SLAMF9: variants seen among roughly 807,000 people sequenced by gnomAD.
SLAMF9 encodes the protein CD2 family member 10.
SLAMF9 carries 25 observed loss-of-function variants against 30.4 expected under a neutral mutation model. The ratio of observed to expected loss-of-function variants is 0.82; its 90% confidence interval spans 0.60 to 1.15. The LOEUF is 1.15. SLAMF9 is among the 50% of genes most tolerant of loss of function. The pLI, the probability that SLAMF9 is intolerant of heterozygous loss-of-function variation, is 0.00. For synonymous variants in SLAMF9, 129 were observed against 127.2 expected (o/e 1.01, Z -0.09); for missense variants, 344 against 346.1 (o/e 0.99, Z 0.05).
At chr1:159,973,224 CT>C in the SLAMF9 span, 1 of 1,219,586 alleles carries the variant, frequency 8.2e-7, no homozygotes, top group South Asian at 1.2e-5. Flanking sequence ...GGTAACCAGG[CT>C]TCCCTCTTAG....
chr1:159,958,126 G>C (rs1269201089), upstream of SLAMF9, among the ~76,000 whole-genome samples: 3 of 152,224 alleles, frequency 2.0e-5, no homozygotes, highest in Non-Finnish European at 4.4e-5. Context: ...CTGGTGCCAG[G>C]ACTCTTGCTG....
chr1:159,963,610 A>G, the SLAMF9 span, among the ~76,000 whole-genome samples: 1 of 152,066 alleles, frequency 6.6e-6, no homozygotes, highest in African/African-American at 2.4e-5. Flanking sequence ...CCTTTCCTCA[A>G]CTTACCTCTT....
In SLAMF9 at chr1:159,952,529, G is replaced by A; in HGVS notation, c.397C>T (p.Leu133=). The A allele has an allele frequency of 3.1e-6, 5 of 1,613,468 alleles. No individual in the cohort carries two copies. Among genetic ancestry groups the A allele is most frequent in the Non-Finnish European group, 2.5e-6 (3 of 1,179,732 alleles). ...TTCACAGTGATCTGGGGCTCTGACA[G>A]CCATCCTGGATGAAGGGGAAACACA... ...QQYNICVYRW[L]SEPQITVNFE... is the part of the protein sequence containing the mutation. Residue 133 remains leucine (L), a synonymous_variant, in exon 3 of 4, where the codon CTG becomes TTG. Coordinates refer to ENST00000368093, the MANE Select transcript of SLAMF9 (RefSeq NM_033438.4).
chr1:159,953,565 T>C lies in SLAMF9; in HGVS notation c.135A>G (p.Pro45=). ...QESISLPLEI[P]PDEEVENIIW... ...TGATGTTCTCAACCTCTTCATCTGG[T>C]GGTATTTCCAGGGGGAGGCTGATGG... Residue 45 remains proline (P), a synonymous_variant, in exon 2 of 4, where the codon CCA becomes CCG. Transcript: ENST00000368093. 1 of 1,614,156 alleles carries C rather than the reference T, an allele frequency of 6.2e-7. No homozygotes were observed. The highest frequency in any genetic ancestry group is 8.5e-7 in the Non-Finnish European group (1 of 1,179,998).
chr1:159,953,536 C>T lies in SLAMF9; in HGVS notation c.164G>A (p.Trp55Ter). 6.2e-7 allele frequency: 1 copy of T among 1,614,178 alleles called. No individual in the cohort carries two copies. Among genetic ancestry groups the T allele is most frequent in the Non-Finnish European group, 8.5e-7 (1 of 1,180,032 alleles). ...AGTGGCAAGACTTTTGTGAGAGGAC[C>T]AGATGATGTTCTCAACCTCTTCATC... is the stretch of plus-strand genomic sequence containing the variant. ...PPDEEVENII[W>*]SSHKSLATVV... Residue 55 changes from tryptophan to a stop codon, truncating the protein, a stop_gained, in exon 2 of 4, where the codon TGG (tryptophan) becomes TAG (stop). Transcript: ENST00000368093. LOFTEE classifies it high-confidence loss of function.
the SLAMF9 span, chr1:159,983,315 T>G: frequency 6.6e-6 from 1 of 152,302 alleles, no homozygotes; most frequent in South Asian, 2.1e-4. Flanking sequence ...TTGGTTGTAA[T>G]GCAGCACATA....
At chr1:159,955,544 G>T (rs531383074), upstream of SLAMF9, among the ~76,000 whole-genome samples, 7 of 152,200 alleles carry the variant, frequency 4.6e-5, no homozygotes, top group Non-Finnish European at 8.8e-5. Flanking sequence ...TCAGAAATCT[G>T]TTAAATGTTT....
chr1:159,972,828 T>C, the SLAMF9 span: 14,562 of 914,778 alleles, frequency 0.016, 238 homozygotes, highest in South Asian at 0.04. Context: ...GAGCACAGGA[T>C]GGGACACAGG....
At chr1:159,970,106 C>T in the SLAMF9 span, among the ~76,000 whole-genome samples, 8 of 152,180 alleles carry the variant, frequency 5.3e-5, no homozygotes, top group Non-Finnish European at 1.0e-4. Context: ...GTATTTATCA[C>T]CTTTGGTATA....
chr1:159,951,871 G>A lies in SLAMF9; in HGVS notation c.665-5C>T. 3 of 1,613,810 alleles carry A rather than the reference G, an allele frequency of 1.9e-6. No individual in the cohort carries two copies. Among genetic ancestry groups the A allele is most frequent in the Non-Finnish European group, 8.5e-7 (1 of 1,179,832 alleles). ...TCTCAGAAGCATAGTTAGGATCTGGGGTGGAAGAAAGGAGGAAAGGGCCCA... is the reference window on the plus strand; with the variant it reads ...TCTCAGAAGCATAGTTAGGATCTGGAGTGGAAGAAAGGAGGAAAGGGCCCA... On this transcript the variant is annotated splice_region_variant and splice_polypyrimidine_tract_variant and intron_variant, in intron 3 of 3. Transcript: ENST00000368093.
At chr1:159,960,391 A>C in the SLAMF9 span, among the ~76,000 whole-genome samples, 2 of 150,744 alleles carry the variant, frequency 1.3e-5, no homozygotes, top group South Asian at 4.2e-4. Context: ...GGGCAGTTTC[A>C]TGATGGAGTG....
chr1:159,956,019 T>G (rs1651915025), upstream of SLAMF9, among the ~76,000 whole-genome samples: 1 of 152,176 alleles, frequency 6.6e-6, no homozygotes, highest in Non-Finnish European at 1.5e-5. Flanking sequence ...CCAAAGGAAA[T>G]GAAATCAGTA....
the SLAMF9 span, among the ~76,000 whole-genome samples, chr1:159,971,193 A>C: frequency 6.6e-6 from 1 of 152,276 alleles, no homozygotes; most frequent in Non-Finnish European, 1.5e-5. Flanking sequence ...ATCATAAATC[A>C]CACTGTTGAA....
chr1:159,982,516 ACCC>A, the SLAMF9 span, among the ~76,000 whole-genome samples: 9 of 152,134 alleles, frequency 5.9e-5, no homozygotes, highest in African/African-American at 2.2e-4. Context: ...TCCTGGACAC[ACCC>A]AAGCAGAGGA....
chr1:159,969,702 A>G, the SLAMF9 span, among the ~76,000 whole-genome samples: 1 of 152,166 alleles, frequency 6.6e-6, no homozygotes, highest in Non-Finnish European at 1.5e-5. Flanking sequence ...GGAGAGGAAT[A>G]TTTTCCTTAA....
At chr1:159,980,928 T>G in the SLAMF9 span, among the ~76,000 whole-genome samples, 1 of 152,234 alleles carries the variant, frequency 6.6e-6, no homozygotes, top group Non-Finnish European at 1.5e-5. Flanking sequence ...TGACTTTCTT[T>G]GCGTCACACG....
chr1:159,979,606 T>A, the SLAMF9 span, among the ~76,000 whole-genome samples: 1 of 151,782 alleles, frequency 6.6e-6, no homozygotes, highest in African/African-American at 2.4e-5. Flanking sequence ...CTGGAAGAGA[T>A]CTTCATGAGA....
rs1651775398 is a variant in SLAMF9, at chr1:159,952,335, G to T, written c.591C>A (p.Ser197=). 1 of 1,614,106 alleles carries T rather than the reference G, an allele frequency of 6.2e-7. No individual in the cohort carries two copies. Among genetic ancestry groups the T allele is most frequent in the Non-Finnish European group, 8.5e-7 (1 of 1,180,000 alleles). Reference sequence around the variant, plus strand: ...TGGGGTTGTTGGCTCTGCAGGTGTAGGAGAGGGCACTGTCCCCCGGCCTCC... The same window carrying T: ...TGGGGTTGTTGGCTCTGCAGGTGTATGAGAGGGCACTGTCCCCCGGCCTCC... ...TSWRPGDSAL[S]YTCRANNPIS... The change falls in exon 3 of 4, where the codon TCC becomes TCA. Residue 197 remains serine (S), a synonymous_variant. Coordinates refer to ENST00000368093, the MANE Select transcript of SLAMF9 (RefSeq NM_033438.4).
At chr1:159,964,617 G>T in the SLAMF9 span, among the ~76,000 whole-genome samples, 2 of 152,120 alleles carry the variant, frequency 1.3e-5, no homozygotes, top group Non-Finnish European at 2.9e-5. Context: ...CAAACAAACA[G>T]CAAACAAAAA....
Sources: allele counts gnomAD v4.1 joint callset (sites outside exome capture counted in the v4.1 genomes callset), GRCh38; gene constraint gnomAD v4.1.1; transcripts MANE v1.5; gene names NCBI Gene and HGNC (gene_info 2026-07-23, HGNC 2026-07-21).